TXNDC15: variants seen among roughly 807,000 people sequenced by gnomAD.
The protein encoded by TXNDC15 is thioredoxin domain-containing protein 15.
A neutral mutation model predicts 35.0 loss-of-function variants in TXNDC15; 24 were observed. The observed-to-expected ratio is 0.68, with a 90% CI of 0.50 to 0.96. The LOEUF is 0.96. Among genes scored for constraint, TXNDC15 ranks in the 40% least tolerant of loss-of-function variants. TXNDC15 has a pLI of 0.00. For synonymous variants in TXNDC15, 169 were observed against 174.0 expected, an observed-to-expected ratio of 0.97 and a Z score of 0.23; for missense variants, 385 against 453.3, an observed-to-expected ratio of 0.85 and a Z score of 1.37.
At chr5:134,893,309 A>G in intron 2 of TXNDC15, 183 bp from the exon 3 acceptor site, 1 of 578,160 alleles carries the variant, frequency 1.7e-6, no homozygotes, top group Non-Finnish European at 3.0e-6. Context: ...ATTTGATCAT[A>G]CTTTTTTGCT....
At chr5:134,878,480 G>A (rs1012558553) in intron 1 of TXNDC15, among the ~76,000 whole-genome samples, 4 of 152,144 alleles carry the variant, frequency 2.6e-5, no homozygotes, top group Admixed American at 2.0e-4. Flanking sequence ...ACTGTTTTTG[G>A]TCCCTCCTCA....
chr5:134,898,050 G>GCCT (rs985768375), intron 4 of TXNDC15, among the ~76,000 whole-genome samples: 1 of 151,678 alleles, frequency 6.6e-6, no homozygotes, highest in African/African-American at 2.4e-5. Flanking sequence ...AACATTACCA[G>GCCT]CCTCCCTTCA....
Position 134,899,471 on chromosome 5 carries a change from C to T in TXNDC15, c.887-18C>T. 1 of 1,601,866 alleles carries T rather than the reference C, an allele frequency of 6.2e-7. No homozygotes were observed. Among genetic ancestry groups the T allele is most frequent in the Non-Finnish European group, 8.5e-7 (1 of 1,177,218 alleles). The stretch of plus-strand genomic sequence containing the variant: ...GTGCTTTTTCTGCCTGATTTGAAAC[C>T]AGTGATTTTTCTTTCAGGTATAGAA... On this transcript the variant is annotated intron_variant, in intron 4 of 4. Coordinates refer to ENST00000358387, the MANE Select transcript of TXNDC15 (RefSeq NM_024715.4).
chr5:134,875,231 G>C (rs1292041593), intron 1 of TXNDC15: 4 of 456,272 alleles, frequency 8.8e-6, no homozygotes, highest in Non-Finnish European at 4.4e-6. Flanking sequence ...AGGGTGGAGA[G>C]TGGAGGCCTT....
At chr5:134,890,229 C>T (rs1750360855) in intron 2 of TXNDC15, among the ~76,000 whole-genome samples, 1 of 151,368 alleles carries the variant, frequency 6.6e-6, no homozygotes, top group Admixed American at 6.6e-5. Context: ...GAGATGAGGT[C>T]TCACTATGTT....
chr5:134,874,221 G>A, upstream of TXNDC15: 2 of 540,332 alleles, frequency 3.7e-6, no homozygotes, highest in East Asian at 6.8e-5. Context: ...CTGGCGCTTA[G>A]CTCCTAAAGA....
intron 1 of TXNDC15, among the ~76,000 whole-genome samples, chr5:134,882,716 TGCAATCGCAG>T (rs1440879801): frequency 1.3e-5 from 2 of 151,956 alleles, no homozygotes; most frequent in African/African-American, 4.8e-5. Flanking sequence ...GGCGCGCGCC[TGCAATCGCAG>T]GCACTCGGCA....
intron 1 of TXNDC15, among the ~76,000 whole-genome samples, chr5:134,876,181 T>C (rs1203272678): frequency 6.6e-6 from 1 of 152,150 alleles, no homozygotes; most frequent in Non-Finnish European, 1.5e-5. Flanking sequence ...TGGCATGGGT[T>C]GGATATCTTC....
At chr5:134,889,970 G>A (rs1043418029) in intron 2 of TXNDC15, among the ~76,000 whole-genome samples, 2 of 152,174 alleles carry the variant, frequency 1.3e-5, no homozygotes, top group African/African-American at 4.8e-5. Flanking sequence ...CTGGTAGAGG[G>A]TCTTGCCTTG....
intron 1 of TXNDC15, among the ~76,000 whole-genome samples, chr5:134,886,569 A>C (rs554314628): frequency 1.3e-5 from 2 of 152,316 alleles, no homozygotes; most frequent in East Asian, 3.9e-4. Context: ...TCTAGCTCCA[A>C]AGTGGGGGAA....
At chr5:134,878,861 T>C (rs1750088990) in intron 1 of TXNDC15, among the ~76,000 whole-genome samples, 1 of 152,132 alleles carries the variant, frequency 6.6e-6, no homozygotes, top group South Asian at 2.1e-4. Flanking sequence ...TAGCCAGGTG[T>C]GGTGGTGCGC....
intron 1 of TXNDC15, among the ~76,000 whole-genome samples, chr5:134,879,399 C>T (rs190919489): frequency 5.4e-4 from 82 of 152,324 alleles, no homozygotes; most frequent in Middle Eastern, 3.4e-3. Flanking sequence ...GATTAGGTAG[C>T]AAGAGCAAAT....
chr5:134,879,174 C>T (rs1286061374), intron 1 of TXNDC15, among the ~76,000 whole-genome samples: 2 of 152,140 alleles, frequency 1.3e-5, no homozygotes, highest in African/African-American at 2.4e-5. Context: ...GTACTGTGTA[C>T]TTAAATATTT....
intron 1 of TXNDC15, among the ~76,000 whole-genome samples, chr5:134,882,493 G>T (rs1447729143): frequency 6.6e-6 from 1 of 152,212 alleles, no homozygotes; most frequent in Non-Finnish European, 1.5e-5. Flanking sequence ...AAGGCAGGCT[G>T]CTGGGAGGTG....
chr5:134,899,704 T>C lies in TXNDC15; in HGVS notation c.*19T>C, dbSNP rs1416097992. The C allele has an allele frequency of 6.5e-7, 1 of 1,546,534 alleles. No homozygotes were observed. The highest frequency in any genetic ancestry group is 8.7e-7 in the Non-Finnish European group (1 of 1,149,804). On this transcript the variant is annotated 3_prime_UTR_variant, in exon 5 of 5. Coordinates refer to ENST00000358387, the MANE Select transcript of TXNDC15 (RefSeq NM_024715.4). ...GGAGTAGTGATGGTCTGAAAGAAGTTGGAAAGAGGAACTTCAATCCTTCGT... is the reference window on the plus strand; with the variant it reads ...GGAGTAGTGATGGTCTGAAAGAAGTCGGAAAGAGGAACTTCAATCCTTCGT...
At position 134,893,496 on chromosome 5, in the gene TXNDC15, T is replaced by C. The variant is rs762584558; in HGVS notation, c.596T>C (p.Leu199Pro). 3.7e-6 allele frequency: 6 copies of C among 1,614,222 alleles called. No homozygotes were observed. Among genetic ancestry groups the C allele is most frequent in the Non-Finnish European group, 5.1e-6 (6 of 1,180,034 alleles). ...TGCTTGTTTCTTTTACCACAGGACC[T>C]TATGGATTTTCTGAACCCAAACGGT... The part of the protein sequence containing the change: ...TLKILNMSQD[L>P]MDFLNPNGSD... The change falls in exon 3 of 5, where the codon CTT becomes CCT. Residue 199 changes from leucine (L) to proline (P), a missense_variant. Leu to Pro is a moderately conservative substitution (Grantham distance 98, BLOSUM62 -3). Transcript: ENST00000358387.
Position 134,874,391 on chromosome 5 carries a change from C to G in TXNDC15, c.-37C>G, listed in dbSNP as rs373301510. The G allele has an allele frequency of 6.5e-6, 10 of 1,529,710 alleles. No homozygotes were observed. The highest frequency in any genetic ancestry group is 8.8e-6 in the Non-Finnish European group (10 of 1,137,354). 94.8% of individuals were successfully genotyped at this position (1,529,710 alleles called of 1,614,324 possible). A position where few individuals can be genotyped will look rare whatever the true frequency, so the allele number is the denominator to read the frequency against. On this transcript the variant is annotated 5_prime_UTR_variant, in exon 1 of 5. Transcript: ENST00000358387. Reference sequence around the variant, plus strand: ...CCTTCCTCCGGCTGGCAGCACGACTCGCGTAGCCGTGCGCCGATTGCCTCT... The same window carrying G: ...CCTTCCTCCGGCTGGCAGCACGACTGGCGTAGCCGTGCGCCGATTGCCTCT...
At chr5:134,875,104 T>C (rs1249354517) in intron 1 of TXNDC15, 1 of 456,204 alleles carries the variant, frequency 2.2e-6, no homozygotes, top group African/African-American at 2.0e-5. Flanking sequence ...TGGACCACTG[T>C]CTTAAGGAGG....
At chr5:134,889,531 T>G (rs936938195) in intron 2 of TXNDC15, among the ~76,000 whole-genome samples, 1 of 152,338 alleles carries the variant, frequency 6.6e-6, no homozygotes, top group East Asian at 1.9e-4. Context: ...GCTAGGACAG[T>G]GTACTCTTGA....
Sources: allele counts gnomAD v4.1 joint callset (sites outside exome capture counted in the v4.1 genomes callset), GRCh38; gene constraint gnomAD v4.1.1; transcripts MANE v1.5; gene names NCBI Gene and HGNC (gene_info 2026-07-23, HGNC 2026-07-21).